EPHB4: variants seen among roughly 807,000 people sequenced by gnomAD.
The protein encoded by EPHB4 is ephrin type-B receptor 4.
A neutral mutation model predicts 110.6 loss-of-function variants in EPHB4; 50 were observed. That is an observed-to-expected ratio of 0.45 (90% CI 0.36 to 0.57). The LOEUF (loss-of-function observed/expected upper bound fraction) is 0.57, where lower values mean the gene tolerates loss of function less well. Among genes scored for constraint, EPHB4 ranks in the 20% least tolerant of loss-of-function variants. EPHB4 has a pLI of 0.00. For synonymous variants in EPHB4, 592 were observed against 578.4 expected (o/e 1.02, Z -0.34); for missense variants, 1,128 against 1,382.1 (o/e 0.82, Z 2.91).
chr7:100,822,705 C>T lies in EPHB4; in HGVS notation c.412-38G>A, dbSNP rs771958945. The T allele has an allele frequency of 1.3e-6, 2 of 1,496,376 alleles. No individual in the cohort carries two copies. The highest frequency in any genetic ancestry group is 4.8e-5 in the East Asian group (2 of 41,610). The allele number at this position is 1,496,376 out of a possible 1,614,324, so 92.7% of individuals were successfully genotyped here. On this transcript the variant is annotated intron_variant, in intron 3 of 16. Coordinates refer to ENST00000358173, the MANE Select transcript of EPHB4 (RefSeq NM_004444.5). This position sits in a 1 kb window ranked among gnomAD's most constrained non-coding sequence, Gnocchi z 4.7. ...GGGAGGCACACCGCTGCTGTCCCCA[C>T]TCCCTGAGGACCCAGCGGACTGTTG...
chr7:100,803,308 AC>A lies in EPHB4; in HGVS notation c.*152del, dbSNP rs1812737922. 4.2e-6 allele frequency: 4 copies of A among 957,160 alleles called. No individual in the cohort carries two copies. Among genetic ancestry groups the A allele is most frequent in the Non-Finnish European group, 5.7e-6 (4 of 707,218 alleles). The allele number at this position is 957,160 out of a possible 1,614,324, so 59.3% of individuals were successfully genotyped here. A position where few individuals can be genotyped will look rare whatever the true frequency, so the allele number is the denominator to read the frequency against. ...GATTTTCCCCTCCTATTATGGCAGA[AC>A]CCCCAAATCCTGTCTCTCCAAATTG... On this transcript the variant is annotated 3_prime_UTR_variant, in exon 17 of 17. Coordinates refer to ENST00000358173, the MANE Select transcript of EPHB4 (RefSeq NM_004444.5).
chr7:100,825,098 C>T (rs117123505), intron 1 of EPHB4: 2,383 of 142,644 alleles, frequency 0.017, 22 homozygotes, highest in Non-Finnish European at 0.026. Flanking sequence ...CCTCGGGGGC[C>T]GGCAATGTGG....
chr7:100,809,117 A>T (rs903211314), intron 12 of EPHB4, among the ~76,000 whole-genome samples: 1 of 151,690 alleles, frequency 6.6e-6, no homozygotes, highest in Non-Finnish European at 1.5e-5. Context: ...TTATTTATTT[A>T]TTTTTTTGAG....
At chr7:100,806,645 C>T in intron 13 of EPHB4, 76 bp from the exon 14 acceptor site, 1 of 1,493,486 alleles carries the variant, frequency 6.7e-7, no homozygotes, top group Non-Finnish European at 9.0e-7. Flanking sequence ...GCCCCCCAGT[C>T]CCCCACCTGC....
At chr7:100,826,298 G>A (rs549597125) in intron 1 of EPHB4, among the ~76,000 whole-genome samples, 3 of 152,048 alleles carry the variant, frequency 2.0e-5, no homozygotes, top group East Asian at 1.9e-4. Flanking sequence ...GGGCTGTGTA[G>A]GTCAGTTTCT....
At chr7:100,820,088 C>A in intron 5 of EPHB4, 53 bp downstream of exon 5, 1 of 1,593,532 alleles carries the variant, frequency 6.3e-7, no homozygotes, top group South Asian at 1.1e-5. Context: ...GGGTCCACCT[C>A]AGAGGTCTGT....
rs755091461 is a variant in EPHB4 at position 100,807,522 on chromosome 7, G to A, written c.2177C>T (p.Ser726Leu). ...CATCTCGGCAAGGTACCGCATGCCC[G>A]AGGCGATGCCCCGCAGCATGCCCAC... is the stretch of plus-strand genomic sequence containing the variant. ...QLVGMLRGIA[S>L]GMRYLAEMSY... The change falls in exon 13 of 17, where the codon TCG (serine) becomes TTG (leucine). Residue 726 changes from serine to leucine, a missense_variant. By Grantham distance (145) the Ser-to-Leu change is moderately radical. Transcript: ENST00000358173. 3.1e-6 allele frequency: 5 copies of A among 1,614,016 alleles called. No individual in the cohort carries two copies. Among genetic ancestry groups the A allele is most frequent in the Middle Eastern group, 1.6e-4 (1 of 6,084 alleles).
chr7:100,805,049 G>T, intron 16 of EPHB4, 117 bp downstream of exon 16: 1 of 1,319,596 alleles, frequency 7.6e-7, no homozygotes, highest in Non-Finnish European at 1.0e-6. Flanking sequence ...CATGAGCGCA[G>T]TGCAAGAAGA....
In EPHB4 at chr7:100,817,309, G is replaced by T. The variant is rs371751665; in HGVS notation, c.1471C>A (p.Arg491=). Residue 491 remains arginine, a synonymous_variant, in exon 8 of 17, where the codon CGG becomes AGG. Coordinates refer to ENST00000358173, the MANE Select transcript of EPHB4 (RefSeq NM_004444.5). Reference sequence around the variant, plus strand: ...CGCTTCAGCCCCCGCAGCTCTGCCCGGTTTTCTGACGTCTTCAGGAACCGC... The same window carrying T: ...CGCTTCAGCCCCCGCAGCTCTGCCCTGTTTTCTGACGTCTTCAGGAACCGC... ...SVRFLKTSEN[R]AELRGLKRGA... is the part of the protein sequence containing the mutation. The T allele has an allele frequency of 2.3e-5, 37 of 1,590,888 alleles. No individual in the cohort carries two copies. Among genetic ancestry groups the T allele is most frequent in the Non-Finnish European group, 3.1e-5 (36 of 1,169,804 alleles).
intron 1 of EPHB4, 150 bp downstream of exon 1, chr7:100,826,829 T>A: frequency 4.5e-5 from 23 of 510,976 alleles, no homozygotes; most frequent in East Asian, 8.9e-5. Flanking sequence ...CCCGCCCCCC[T>A]CCCGTTCCAG....
chr7:100,819,436 C>A, intron 6 of EPHB4, 121 bp downstream of exon 6: 1 of 1,189,048 alleles, frequency 8.4e-7, no homozygotes, highest in South Asian at 1.6e-5. Context: ...CTCTTGCCCC[C>A]AAAGCCTTAG....
intron 10 of EPHB4, 98 bp from the exon 11 acceptor site, chr7:100,813,306 G>GTTT (rs750195537): frequency 0.021 from 7,902 of 380,366 alleles, 6 homozygotes; most frequent in East Asian, 0.093. Context: ...TGTCTCCGTG[G>GTTT]TTTTTTTTTT....
In EPHB4 at chr7:100,805,520, C is replaced by T. The variant is rs770095206; in HGVS notation, c.2659G>A (p.Val887Met). 12 of 1,521,710 alleles carry T rather than the reference C, an allele frequency of 7.9e-6. No homozygotes were observed. The highest frequency in any genetic ancestry group is 2.3e-5 in the East Asian group (1 of 43,868). The allele number at this position is 1,521,710 out of a possible 1,614,324, so 94.3% of individuals were successfully genotyped here. Residue 887 changes from valine (V) to methionine (M), a missense_variant, in exon 15 of 17, where the codon GTG becomes ATG. By Grantham distance (21) the Val-to-Met change is conservative (BLOSUM62 1). Transcript: ENST00000358173. ...CCTCACCCGCCATTCTCCCGGGCCA[C>T]GATTTTGAGGCTGGCGGGGTTCCGG... Reference protein sequence around the residue: ...MIRNPASLKIVARENGGASHP... With the variant: ...MIRNPASLKIMARENGGASHP...
chr7:100,822,238 A>T lies in EPHB4; in HGVS notation c.808+33T>A. 6.5e-7 allele frequency: 1 copy of T among 1,541,128 alleles called. No homozygotes were observed. The highest frequency in any genetic ancestry group is 8.7e-7 in the Non-Finnish European group (1 of 1,143,840). On this transcript the variant is annotated intron_variant, in intron 4 of 16. Coordinates refer to ENST00000358173, the MANE Select transcript of EPHB4 (RefSeq NM_004444.5). The surrounding 1 kb of genome is among the most constrained non-coding windows in gnomAD (Gnocchi z 4.7). ...GGAGTTCAGGACTCTCCCCCGGATG[A>T]GCAGCAGTCGCAGGGGAAGCTCCAG...
rs749343839 is a variant in EPHB4 at position 100,823,674 on chromosome 7, C to A, written c.381G>T (p.Thr127=). ...TGTAGGGGTTCTCCATCCAGGCTGG[C>A]GTGAGGGCCGTGGCCGTGTCCGCAT... ...ESDADTATAL[T]PAWMENPYIK... is the part of the protein sequence containing the mutation. The change falls in exon 3 of 17, where the codon ACG becomes ACT. Residue 127 remains threonine (T), a synonymous_variant. Transcript: ENST00000358173. 6.2e-7 allele frequency: 1 copy of A among 1,613,244 alleles called. No individual in the cohort carries two copies. The highest frequency in any genetic ancestry group is 1.1e-5 in the South Asian group (1 of 91,078).
At chr7:100,806,001 C>G (rs1812810512) in intron 14 of EPHB4, 1 of 322,138 alleles carries the variant, frequency 3.1e-6, no homozygotes, top group East Asian at 5.3e-5. Context: ...GCTCAGTTGC[C>G]CAGGCTGGAA....
At chr7:100,812,330 C>A (rs1301218799) in intron 12 of EPHB4, among the ~76,000 whole-genome samples, 1 of 152,180 alleles carries the variant, frequency 6.6e-6, no homozygotes, top group African/African-American at 2.4e-5. Context: ...TGCCTCACAC[C>A]TGTAATACCA....
chr7:100,815,914 G>T (rs1361421680), intron 8 of EPHB4, among the ~76,000 whole-genome samples: 1 of 152,160 alleles, frequency 6.6e-6, no homozygotes, highest in Non-Finnish European at 1.5e-5. Flanking sequence ...GTTGAGCTCG[G>T]GAGTTGTAGG....
chr7:100,806,051 T>C (rs1008539762), intron 14 of EPHB4: 2 of 271,450 alleles, frequency 7.4e-6, no homozygotes, highest in African/African-American at 2.2e-5. Context: ...CCTCTGTTCC[T>C]GGGTTCAAGC....
Sources: allele counts gnomAD v4.1 joint callset (sites outside exome capture counted in the v4.1 genomes callset), GRCh38; gene constraint gnomAD v4.1.1; non-coding constraint Gnocchi (gnomAD v3.1); transcripts MANE v1.5; gene names NCBI Gene and HGNC (gene_info 2026-07-23, HGNC 2026-07-21).